GALNTL6: variants seen among roughly 807,000 people sequenced by gnomAD.
The protein encoded by GALNTL6 is polypeptide N-acetylgalactosaminyltransferase-like 6.
In GALNTL6, 46 loss-of-function variants were observed where a neutral mutation model predicts 73.7. The ratio of observed to expected loss-of-function variants is 0.62; its 90% confidence interval spans 0.49 to 0.80. GALNTL6 has a LOEUF of 0.80. Ranked by LOEUF, GALNTL6 falls within the 30% of genes least tolerant of loss-of-function variation. The probability of loss-of-function intolerance (pLI) is 0.00; values close to 1 mark genes in which losing one functional copy is unlikely to be tolerated. For missense variants in GALNTL6, 604 were observed against 755.0 expected (o/e 0.80, Z 2.34); for synonymous variants, 259 against 263.7 (o/e 0.98, Z 0.17).
At chr4:171,885,236 C>G (rs1353532155) in intron 2 of GALNTL6, among the ~76,000 whole-genome samples, 1 of 152,006 alleles carries the variant, frequency 6.6e-6, no homozygotes, top group Non-Finnish European at 1.5e-5. Flanking sequence ...TTCACGTTAC[C>G]TCTTTAGGTT....
intron 2 of GALNTL6, among the ~76,000 whole-genome samples, chr4:171,895,593 AAG>A (rs746193163): frequency 3.3e-5 from 5 of 152,236 alleles, no homozygotes; most frequent in Admixed American, 6.5e-5. Context: ...CTCATGGAAG[AAG>A]AGAGTATCCA....
At chr4:172,848,453 G>C (rs571641364) in intron 7 of GALNTL6, among the ~76,000 whole-genome samples, 3 of 152,128 alleles carry the variant, frequency 2.0e-5, no homozygotes, top group Non-Finnish European at 1.5e-5. Context: ...TGCTATTATA[G>C]CCTCAATATT....
chr4:172,137,418 G>A (rs1733667858), intron 2 of GALNTL6, among the ~76,000 whole-genome samples: 1 of 152,184 alleles, frequency 6.6e-6, no homozygotes, highest in African/African-American at 2.4e-5. Flanking sequence ...AGGTGTACAA[G>A]ATTGGAATAT....
intron 3 of GALNTL6, among the ~76,000 whole-genome samples, chr4:172,280,898 C>T (rs553580504): frequency 7.2e-5 from 11 of 152,024 alleles, no homozygotes; most frequent in East Asian, 3.9e-4. Context: ...CGGTGGCTCA[C>T]GCCTGTAATC....
At chr4:172,066,760 A>G (rs545139749) in intron 2 of GALNTL6, among the ~76,000 whole-genome samples, 1 of 152,194 alleles carries the variant, frequency 6.6e-6, no homozygotes, top group South Asian at 2.1e-4. Flanking sequence ...TTGGGCCTCT[A>G]TCATTGCCTA....
intron 2 of GALNTL6, among the ~76,000 whole-genome samples, chr4:172,170,632 C>A (rs1467723282): frequency 1.3e-5 from 2 of 150,956 alleles, no homozygotes; most frequent in Non-Finnish European, 2.9e-5. Context: ...GGTGCCTCAA[C>A]CTCCAGAATA....
intron 5 of GALNTL6, among the ~76,000 whole-genome samples, chr4:172,585,213 A>G (rs1737355892): frequency 1.3e-5 from 2 of 152,144 alleles, no homozygotes; most frequent in South Asian, 4.1e-4. Flanking sequence ...TGGGAACTTA[A>G]AGTCTTCATT....
intron 7 of GALNTL6, among the ~76,000 whole-genome samples, chr4:172,854,346 T>G (rs922781051): frequency 2.6e-4 from 40 of 152,226 alleles, no homozygotes; most frequent in African/African-American, 7.7e-4. Context: ...TACTGTATTT[T>G]TGTATATGTC....
intron 10 of GALNTL6, among the ~76,000 whole-genome samples, chr4:172,979,830 A>G (rs890505956): frequency 6.6e-6 from 1 of 152,218 alleles, no homozygotes; most frequent in Non-Finnish European, 1.5e-5. Flanking sequence ...TCTCAGATGA[A>G]GCAGGAATAG....
intron 2 of GALNTL6, among the ~76,000 whole-genome samples, chr4:172,023,445 T>C (rs1741462851): frequency 6.6e-6 from 1 of 151,910 alleles, no homozygotes; most frequent in South Asian, 2.1e-4. Flanking sequence ...TTTTCGTAAG[T>C]CAAACAAAAA....
At chr4:172,442,468 A>T (rs1215683757) in intron 5 of GALNTL6, among the ~76,000 whole-genome samples, 1 of 152,176 alleles carries the variant, frequency 6.6e-6, no homozygotes, top group Non-Finnish European at 1.5e-5. Context: ...ATGCTCAATA[A>T]GTATTTAGAC....
chr4:172,063,643 C>T (rs536980473), intron 2 of GALNTL6, among the ~76,000 whole-genome samples: 2 of 152,230 alleles, frequency 1.3e-5, no homozygotes, highest in East Asian at 3.9e-4. Flanking sequence ...GTCCCATCTC[C>T]TCAAATTAGT....
intron 2 of GALNTL6, chr4:171,815,502 C>G (rs1414363552): frequency 6.6e-6 from 1 of 152,184 alleles, no homozygotes; most frequent in Non-Finnish European, 1.5e-5. Context: ...AATAGACTTC[C>G]CAAAATGTTG....
chr4:172,534,577 A>T (rs988371358), intron 5 of GALNTL6, among the ~76,000 whole-genome samples: 16 of 150,380 alleles, frequency 1.1e-4, no homozygotes, highest in South Asian at 2.1e-4. Flanking sequence ...TAAATGAGAA[A>T]TTTTTTTTTT....
At chr4:172,092,140 A>G (rs570435998) in intron 2 of GALNTL6, among the ~76,000 whole-genome samples, 41 of 152,284 alleles carry the variant, frequency 2.7e-4, no homozygotes, top group Middle Eastern at 3.4e-3. Flanking sequence ...GCATTCAGAA[A>G]AAAAGAAAGT....
intron 2 of GALNTL6, among the ~76,000 whole-genome samples, chr4:171,936,203 T>C (rs2111004901): frequency 6.6e-6 from 1 of 152,256 alleles, no homozygotes; most frequent in Non-Finnish European, 1.5e-5. Context: ...TCAAAAACTA[T>C]CATTTAATAG....
intron 11 of GALNTL6, among the ~76,000 whole-genome samples, chr4:173,010,381 T>C (rs969460011): frequency 6.6e-6 from 1 of 152,160 alleles, no homozygotes; most frequent in African/African-American, 2.4e-5. Context: ...CCATTATGCA[T>C]AGGTACCACA....
chr4:172,135,327 C>T (rs990204034), intron 2 of GALNTL6, among the ~76,000 whole-genome samples: 2 of 151,924 alleles, frequency 1.3e-5, no homozygotes, highest in African/African-American at 4.8e-5. Flanking sequence ...AATCCCCAGC[C>T]CTGGATGCTG....
intron 5 of GALNTL6, among the ~76,000 whole-genome samples, chr4:172,503,090 A>G (rs1734320955): frequency 6.6e-6 from 1 of 152,206 alleles, no homozygotes; most frequent in Non-Finnish European, 1.5e-5. Flanking sequence ...AGAAGCAAAA[A>G]GACTCCTGAG....
Sources: gnomAD v4.1 joint callset for allele counts (sites outside exome capture counted in the v4.1 genomes callset) on GRCh38, gnomAD v4.1.1 for gene constraint, MANE v1.5 for transcripts, NCBI Gene and HGNC (gene_info 2026-07-23, HGNC 2026-07-21) for gene names.